Variants in RASEF observed in about 807,000 individuals in gnomAD.
RASEF encodes RAS and EF-hand domain containing.
A neutral mutation model predicts 90.1 loss-of-function variants in RASEF; 68 were observed. That is an observed-to-expected ratio of 0.75 (90% CI 0.62 to 0.92). RASEF has a LOEUF of 0.92. Ranked by LOEUF, RASEF falls within the 40% of genes least tolerant of loss-of-function variation. RASEF has a pLI of 0.00. For missense variants in RASEF, 949 were observed against 937.2 expected, an observed-to-expected ratio of 1.01 and a Z score of -0.16; for synonymous variants, 331 against 345.2, an observed-to-expected ratio of 0.96 and a Z score of 0.46.
At chr9:83,188,573 C>A in the RASEF span, among the ~76,000 whole-genome samples, 1 of 152,150 alleles carries the variant, frequency 6.6e-6, no homozygotes, top group African/African-American at 2.4e-5. Context: ...GAACAAGAGA[C>A]AATGTACCAT....
chr9:82,982,746 T>G lies in RASEF; in HGVS notation c.2154A>C (p.Arg718Ser). 1 of 1,609,174 alleles carries G rather than the reference T, an allele frequency of 6.2e-7. No individual in the cohort carries two copies. The highest frequency in any genetic ancestry group is 8.5e-7 in the Non-Finnish European group (1 of 1,175,584). The change falls in exon 17 of 17, where the codon AGA becomes AGC. Residue 718 changes from arginine (R) to serine (S), a missense_variant. This residue lies in a region of RASEF where 288 missense variants were observed against 328.4 expected (regional missense o/e 0.88). Coordinates refer to ENST00000376447, the MANE Select transcript of RASEF (RefSeq NM_152573.4). ...VKKRTDKDDSRSITNLTGTNS... is the reference protein window; with the variant it reads ...VKKRTDKDDSSSITNLTGTNS... ...TGGTCCCGGTTAGATTGGTAATGGATCTGCTGTCATCCTTGTCAGTTCTCT... is the reference window on the plus strand; with the variant it reads ...TGGTCCCGGTTAGATTGGTAATGGAGCTGCTGTCATCCTTGTCAGTTCTCT...
At chr9:83,079,804 GTA>G in the RASEF span, among the ~76,000 whole-genome samples, 1 of 150,424 alleles carries the variant, frequency 6.6e-6, no homozygotes, top group Non-Finnish European at 1.5e-5. Flanking sequence ...TAAAATAAGT[GTA>G]TAGGTAGAAA....
At position 82,997,050 on chromosome 9, in the gene RASEF, T is replaced by C; in HGVS notation, c.1882A>G (p.Ser628Gly). 1 of 1,612,106 alleles carries C rather than the reference T, an allele frequency of 6.2e-7. No homozygotes were observed. Among genetic ancestry groups the C allele is most frequent in the Non-Finnish European group, 8.5e-7 (1 of 1,178,178 alleles). Residue 628 changes from serine (S) to glycine (G), a missense_variant, in exon 14 of 17, where the codon AGC becomes GGC. Physicochemically the swap from Ser to Gly is moderately conservative, Grantham distance 56. Transcript: ENST00000376447. ...ACCCATTCTCGTATGTTAAGAAAGCTTTTCTCACATGTAACATCATACAGC... is the reference window on the plus strand; with the variant it reads ...ACCCATTCTCGTATGTTAAGAAAGCCTTTCTCACATGTAACATCATACAGC... Reference protein sequence around the residue: ...LLLYDVTCEKSFLNIREWVDM... With the variant: ...LLLYDVTCEKGFLNIREWVDM...
rs1174569911 is a variant in RASEF at position 83,000,977 on chromosome 9, TTC to T, written c.1354_1355del (p.Glu452SerfsTer22). 1 of 1,614,026 alleles carries T rather than the reference TTC, an allele frequency of 6.2e-7. No homozygotes were observed. Among genetic ancestry groups the T allele is most frequent in the African/African-American group, 1.3e-5 (1 of 74,918 alleles). ...TLRDPNEYDS[E>X]VEYKHQRGFQ... ...ATCCCCTCTGGTGCTTGTATTCCACTTCTGAGTCATACTCATTGGGATCTCTC... is the reference window on the plus strand; with the variant it reads ...ATCCCCTCTGGTGCTTGTATTCCACTTGAGTCATACTCATTGGGATCTCTC... On this transcript the variant is annotated frameshift_variant, in exon 10 of 17. Transcript: ENST00000376447. LOFTEE classifies it high-confidence loss of function.
At chr9:83,103,556 C>A in the RASEF span, among the ~76,000 whole-genome samples, 1 of 151,854 alleles carries the variant, frequency 6.6e-6, no homozygotes, top group Non-Finnish European at 1.5e-5. Context: ...GAGTATAGGG[C>A]AATTAATTCT....
chr9:83,049,184 C>A (rs1829994523), intron 1 of RASEF: 2 of 317,506 alleles, frequency 6.3e-6, no homozygotes, highest in South Asian at 1.2e-4. Flanking sequence ...TTGCTTATAA[C>A]ATATTACACT....
intron 14 of RASEF, among the ~76,000 whole-genome samples, chr9:82,994,913 C>T (rs1156858283): frequency 6.6e-6 from 1 of 152,208 alleles, no homozygotes; most frequent in African/African-American, 2.4e-5. Context: ...CCAATGATCA[C>T]ACCATTCATT....
chr9:82,992,727 C>T (rs1828836704), intron 15 of RASEF, among the ~76,000 whole-genome samples, 179 bp downstream of exon 15: 1 of 152,148 alleles, frequency 6.6e-6, no homozygotes, highest in African/African-American at 2.4e-5. Flanking sequence ...GGACTTAATC[C>T]TTGGCATAAA....
At chr9:83,006,476 C>T (rs950265437) in intron 7 of RASEF, among the ~76,000 whole-genome samples, 1 of 151,346 alleles carries the variant, frequency 6.6e-6, no homozygotes, top group African/African-American at 2.4e-5. Flanking sequence ...ACAACTGCCA[C>T]AGGTGAGACT....
intron 16 of RASEF, 104 bp downstream of exon 16, chr9:82,990,285 AAG>A: frequency 1.4e-6 from 1 of 738,054 alleles, no homozygotes; most frequent in Non-Finnish European, 2.3e-6. Flanking sequence ...ACTGACAGAT[AAG>A]AGAGTGTTTT....
the RASEF span, among the ~76,000 whole-genome samples, chr9:83,212,979 A>G: frequency 6.6e-6 from 1 of 152,180 alleles, no homozygotes; most frequent in Non-Finnish European, 1.5e-5. Flanking sequence ...CTGGAAACAG[A>G]GGTTGTCTTT....
At chr9:83,193,241 C>T in the RASEF span, among the ~76,000 whole-genome samples, 1 of 152,202 alleles carries the variant, frequency 6.6e-6, no homozygotes, top group Non-Finnish European at 1.5e-5. Context: ...ACACTCCTCA[C>T]ATAGACCTAC....
chr9:83,066,440 C>T (rs539371311), upstream of RASEF, among the ~76,000 whole-genome samples: 301 of 152,266 alleles, frequency 2.0e-3, 1 homozygote, highest in Non-Finnish European at 3.5e-3. Context: ...GGGAAAGCCA[C>T]GGTCATATAA....
At position 82,979,809 on chromosome 9, in the gene RASEF, T is replaced by C. The variant is rs188726441; in HGVS notation, c.*2868A>G. ...AATACTCAGAGGCCTACTTAATATA[T>C]ACATATGAAATTTCTTACACACACA... On this transcript the variant is annotated 3_prime_UTR_variant, in exon 17 of 17. Coordinates refer to ENST00000376447, the MANE Select transcript of RASEF (RefSeq NM_152573.4). 6.6e-6 allele frequency: 1 copy of C among 152,328 alleles called. No individual in the cohort carries two copies. Among genetic ancestry groups the C allele is most frequent in the African/African-American group, 2.4e-5 (1 of 41,574 alleles). 9.4% of individuals were successfully genotyped at this position (152,328 alleles called of 1,614,324 possible).
chr9:83,062,891 A>G lies in RASEF; in HGVS notation c.-24T>C, dbSNP rs1351435304. 7 of 1,423,474 alleles carry G rather than the reference A, an allele frequency of 4.9e-6. No homozygotes were observed. Among genetic ancestry groups the G allele is most frequent in the Non-Finnish European group, 6.4e-6 (7 of 1,101,572 alleles). The allele number at this position is 1,423,474 out of a possible 1,614,324, so 88.2% of individuals were successfully genotyped here. On this transcript the variant is annotated 5_prime_UTR_variant, in exon 1 of 17. Coordinates refer to ENST00000376447, the MANE Select transcript of RASEF (RefSeq NM_152573.4). ...ATCCCGCCTGGCGGGGGCGGCCGAG[A>G]GGGCTCCGGAGCGCCGCGGGGCGCA...
chr9:83,092,003 C>CTTTTTTTTTTTTTTTTTTTTTTTTT, the RASEF span, among the ~76,000 whole-genome samples: 41 of 35,928 alleles, frequency 1.1e-3, 5 homozygotes, highest in Admixed American at 2.2e-3. Context: ...TCTTTTATTT[C>CTTTTTTTTTTTTTTTTTTTTTTTTT]TTTTTTTTTT....
intron 1 of RASEF, among the ~76,000 whole-genome samples, chr9:83,027,326 C>G (rs1829565725): frequency 6.6e-6 from 1 of 152,176 alleles, no homozygotes; most frequent in Non-Finnish European, 1.5e-5. Flanking sequence ...TCTCTCCTCC[C>G]CAGAGGTCAG....
chr9:82,983,107 C>CCCCACACA (rs1340706939), intron 16 of RASEF, among the ~76,000 whole-genome samples: 2 of 128,560 alleles, frequency 1.6e-5, no homozygotes, highest in African/African-American at 6.1e-5. Flanking sequence ...GAGTACCAGG[C>CCCCACACA]CACACACACA....
At chr9:83,014,099 G>A (rs1362504520) in intron 4 of RASEF, among the ~76,000 whole-genome samples, 1 of 152,126 alleles carries the variant, frequency 6.6e-6, no homozygotes, top group Non-Finnish European at 1.5e-5. Context: ...GTGACTCAGT[G>A]AATTTGTGGC....
Sources: allele counts gnomAD v4.1 joint callset (sites outside exome capture counted in the v4.1 genomes callset), GRCh38; gene constraint gnomAD v4.1.1; regional missense constraint gnomAD v4.1.1; transcripts MANE v1.5; gene names NCBI Gene and HGNC (gene_info 2026-07-23, HGNC 2026-07-21).